The following NR2C1 variants were observed in gnomAD, a reference collection of about 807,000 sequenced individuals.
The protein encoded by NR2C1 is nuclear receptor subfamily 2 group C member 1.
A neutral mutation model predicts 74.8 loss-of-function variants in NR2C1; 33 were observed. The observed-to-expected ratio is 0.44, with a 90% CI of 0.33 to 0.59. NR2C1 has a LOEUF of 0.59. Among genes scored for constraint, NR2C1 ranks in the 20% least tolerant of loss-of-function variants. The probability of loss-of-function intolerance (pLI) is 0.02; values close to 1 mark genes in which losing one functional copy is unlikely to be tolerated. For missense variants in NR2C1, 568 were observed against 715.6 expected (o/e 0.79, Z 2.35); for synonymous variants, 225 against 240.6 (o/e 0.94, Z 0.60).
At chr12:95,040,633 G>A (rs1565846606) in intron 9 of NR2C1, 36 bp from the exon 10 acceptor site, 1 of 1,552,390 alleles carries the variant, frequency 6.4e-7, no homozygotes. Flanking sequence ...ATTATCTTAT[G>A]ACTGAAAAGT....
intron 7 of NR2C1, among the ~76,000 whole-genome samples, chr12:95,056,679 C>T (rs1194731773): frequency 6.6e-6 from 1 of 152,222 alleles, no homozygotes; most frequent in Admixed American, 6.5e-5. Context: ...AATTGTACGG[C>T]TGGGCGTGCT....
chr12:95,022,815 C>T (rs1236500347), intron 13 of NR2C1, among the ~76,000 whole-genome samples: 1 of 151,910 alleles, frequency 6.6e-6, no homozygotes. Flanking sequence ...CCGCCTCAGC[C>T]TCCCAAGTAG....
Position 95,046,493 on chromosome 12 carries a change from CAGG to C in NR2C1, c.1131+2572_1131+2574del, listed in dbSNP as rs1872335978. On this transcript the variant is annotated intron_variant, in intron 9 of 13. Transcript: ENST00000333003. Reference sequence around the variant, plus strand: ...GTCTCAGCAACATGAAAGACTGAAGCAGGAGAATCCCTTGAGCCCAGGAGGTCG... The same window carrying C: ...GTCTCAGCAACATGAAAGACTGAAGCAGAATCCCTTGAGCCCAGGAGGTCG... Among the ~76,000 whole-genome samples, 3 of 152,198 alleles carry C rather than the reference CAGG, an allele frequency of 2.0e-5. No individual in the cohort carries two copies. In the South Asian group the frequency reaches 6.2e-4, roughly 32 times the overall value.
In NR2C1 at chr12:95,041,925, A is replaced by G. The variant is rs1383265534; in HGVS notation, c.1132-1328T>C. Among the ~76,000 whole-genome samples the G allele has an allele frequency of 2.0e-5, 3 of 152,372 alleles. No homozygotes were observed. The East Asian group carries it at 5.8e-4, about 29-fold the overall frequency. ...CAAATTTCTATCACTAGAGAAAAGAATAATCCATGCTATAGAATATATGTG... is the reference window on the plus strand; with the variant it reads ...CAAATTTCTATCACTAGAGAAAAGAGTAATCCATGCTATAGAATATATGTG... On this transcript the variant is annotated intron_variant, in intron 9 of 13. Transcript: ENST00000333003.
At chr12:95,068,211 G>C (rs1592800136) in intron 1 of NR2C1, among the ~76,000 whole-genome samples, 1 of 152,210 alleles carries the variant, frequency 6.6e-6, no homozygotes, top group African/African-American at 2.4e-5. Flanking sequence ...TGTTTATACG[G>C]TCTTCCCTCT....
At chr12:95,035,877 C>G (rs750100486) in intron 10 of NR2C1, among the ~76,000 whole-genome samples, 2 of 152,220 alleles carry the variant, frequency 1.3e-5, no homozygotes, top group Non-Finnish European at 2.9e-5. Context: ...GATGCATTTA[C>G]ATTCATTATC....
chr12:95,030,718 CA>C (rs1186273432), intron 11 of NR2C1: 93 of 1,601,526 alleles, frequency 5.8e-5, no homozygotes, highest in Non-Finnish European at 7.7e-5. Flanking sequence ...AGGTAGTCCC[CA>C]ATTTATAAAT....
chr12:95,057,564 T>C lies in NR2C1; in HGVS notation c.772A>G (p.Thr258Ala). ...TGTACTAAACACACCTTATCTGATG[T>C]CATCAGCACAGCTGACTCAGTTTTT... The part of the protein sequence containing the change: ...GVKTESAVLM[T>A]SDKAESCQGD... The change falls in exon 7 of 14, where the codon ACA becomes GCA. Residue 258 changes from threonine to alanine, a missense_variant. Physicochemically the swap from Thr to Ala is moderately conservative, Grantham distance 58 (BLOSUM62 0). This residue lies in a region of NR2C1 where 239 missense variants were observed against 232.3 expected (regional missense o/e 1.03). Transcript: ENST00000333003. 1.2e-6 allele frequency: 2 copies of C among 1,610,056 alleles called. No homozygotes were observed. The highest frequency in any genetic ancestry group is 1.7e-6 in the Non-Finnish European group (2 of 1,177,510).
intron 9 of NR2C1, among the ~76,000 whole-genome samples, chr12:95,044,520 C>A (rs1592751502): frequency 1.3e-5 from 2 of 151,984 alleles, no homozygotes; most frequent in South Asian, 4.2e-4. Flanking sequence ...TCGTGATCCA[C>A]CCACCTCAGC....
intron 2 of NR2C1, 84 bp downstream of exon 2, chr12:95,067,247 T>C (rs1875849989): frequency 9.6e-7 from 1 of 1,042,856 alleles, no homozygotes; most frequent in Non-Finnish European, 1.5e-6. Context: ...CTTTTATTTC[T>C]GGAACTCCAG....
At chr12:95,053,212 G>T (rs76809022) in intron 7 of NR2C1, among the ~76,000 whole-genome samples, 1 of 152,084 alleles carries the variant, frequency 6.6e-6, no homozygotes, top group Non-Finnish European at 1.5e-5. Context: ...GGGCTCAAGT[G>T]ATCTACCTGC....
intron 11 of NR2C1, chr12:95,030,841 T>G (rs1233795208): frequency 2.5e-6 from 4 of 1,613,438 alleles, no homozygotes; most frequent in African/African-American, 2.7e-5. Context: ...GCTCGTCTTG[T>G]GAAATGAATG....
At chr12:95,034,572 TC>T (rs1870578319) in intron 10 of NR2C1, among the ~76,000 whole-genome samples, 2 of 152,174 alleles carry the variant, frequency 1.3e-5, no homozygotes, top group African/African-American at 2.4e-5. Context: ...CCCAGCAATT[TC>T]ACCTCTAAGA....
intron 1 of NR2C1, among the ~76,000 whole-genome samples, chr12:95,070,295 G>C (rs991169637): frequency 2.6e-5 from 4 of 151,668 alleles, no homozygotes; most frequent in African/African-American, 9.7e-5. Flanking sequence ...CCATGCCCAG[G>C]TACTTTTTGT....
At chr12:95,057,666 T>C (rs1874122659) in intron 6 of NR2C1, 23 bp from the exon 7 acceptor site, 5 of 1,612,872 alleles carry the variant, frequency 3.1e-6, no homozygotes, top group Non-Finnish European at 4.2e-6. Context: ...AGCACAAATT[T>C]TGGCCTGAGT....
At chr12:95,046,649 T>C (rs1258939705) in intron 9 of NR2C1, among the ~76,000 whole-genome samples, 1 of 151,816 alleles carries the variant, frequency 6.6e-6, no homozygotes, top group African/African-American at 2.4e-5. Flanking sequence ...AAGGAAACAG[T>C]GTATGTGAAA....
At chr12:95,060,868 T>C (rs1874680952) in intron 3 of NR2C1, among the ~76,000 whole-genome samples, 2 of 152,220 alleles carry the variant, frequency 1.3e-5, no homozygotes, top group Admixed American at 1.3e-4. Context: ...ATGTAATATA[T>C]AGCATCATTT....
chr12:95,026,918 T>C (rs913319569), intron 12 of NR2C1: 6 of 145,546 alleles, frequency 4.1e-5, no homozygotes, highest in Admixed American at 1.4e-4. Flanking sequence ...GTAACTCATA[T>C]AAGATGTTTG....
intron 10 of NR2C1, 121 bp from the exon 11 acceptor site, chr12:95,031,609 T>C: frequency 2.9e-6 from 2 of 693,292 alleles, no homozygotes; most frequent in Non-Finnish European, 4.2e-6. Context: ...TCTAGAAAGA[T>C]TTGAGCAAGT....
Sources: gnomAD v4.1 joint callset for allele counts (sites outside exome capture counted in the v4.1 genomes callset) on GRCh38, gnomAD v4.1.1 for gene constraint, gnomAD v4.1.1 regional missense constraint, MANE v1.5 for transcripts, NCBI Gene and HGNC (gene_info 2026-07-23, HGNC 2026-07-21) for gene names.